The following CNTN5 variants were observed in gnomAD, a reference collection of about 807,000 sequenced individuals.
The protein encoded by CNTN5 is contactin-5.
CNTN5 carries 77 observed loss-of-function variants against 129.1 expected under a neutral mutation model. The ratio of observed to expected loss-of-function variants is 0.60; its 90% CI spans 0.50 to 0.72. The LOEUF (loss-of-function observed/expected upper bound fraction) is 0.72. Ranked by LOEUF, CNTN5 falls within the 30% of genes least tolerant of loss-of-function variation. The pLI, the probability that CNTN5 is intolerant of heterozygous loss-of-function variation, is 0.00. For synonymous variants in CNTN5, 509 were observed against 465.6 expected (o/e 1.09, Z -1.20); for missense variants, 1,478 against 1,328.8 (o/e 1.11, Z -1.75).
chr11:99,295,598 CG>C (rs1210083965), intron 1 of CNTN5, among the ~76,000 whole-genome samples: 8 of 152,124 alleles, frequency 5.3e-5, no homozygotes, highest in African/African-American at 9.7e-5. Context: ...ACTGATTGGC[CG>C]GGCGCGGTGG....
At chr11:99,756,272 C>G (rs571885344) in intron 3 of CNTN5, among the ~76,000 whole-genome samples, 2 of 152,020 alleles carry the variant, frequency 1.3e-5, no homozygotes, top group Admixed American at 1.3e-4. Context: ...AGAAAAGTTA[C>G]GATCAATTAT....
At chr11:100,103,599 G>A (rs768646963) in intron 13 of CNTN5, among the ~76,000 whole-genome samples, 14 of 152,092 alleles carry the variant, frequency 9.2e-5, no homozygotes, top group East Asian at 1.9e-4. Flanking sequence ...CACGCTTGGC[G>A]CTGCATGTGT....
Position 99,830,639 on chromosome 11 carries a change from C to G in CNTN5, c.277+10874C>G, listed in dbSNP as rs140455539. On this transcript the variant is annotated intron_variant, in intron 4 of 24. Coordinates refer to ENST00000524871, the MANE Select transcript of CNTN5 (RefSeq NM_014361.4). Reference sequence around the variant, plus strand: ...TGACACACTTCTAAATAAAATACATCATGTCAGTTTCCCCAATTTAAAAAT... The same window carrying G: ...TGACACACTTCTAAATAAAATACATGATGTCAGTTTCCCCAATTTAAAAAT... 5.4e-3 allele frequency among the ~76,000 whole-genome samples: 828 copies of G among 152,206 alleles called. 6 individuals carry two copies. The highest frequency in any genetic ancestry group is 0.019 in the African/African-American group (784 of 41,534).
chr11:99,418,451 G>C (rs770596846), intron 2 of CNTN5, among the ~76,000 whole-genome samples: 1 of 152,116 alleles, frequency 6.6e-6, no homozygotes. Context: ...TGTTAAAAGC[G>C]CTCAAGTTCA....
intron 1 of CNTN5, among the ~76,000 whole-genome samples, chr11:99,271,233 T>C (rs927905240): frequency 1.3e-5 from 2 of 151,944 alleles, no homozygotes; most frequent in African/African-American, 4.8e-5. Flanking sequence ...AAGTGTGATG[T>C]GTAACATTAA....
intron 1 of CNTN5, among the ~76,000 whole-genome samples, chr11:99,090,152 C>T (rs1281996027): frequency 6.6e-6 from 1 of 152,252 alleles, no homozygotes; most frequent in South Asian, 2.1e-4. Flanking sequence ...ATATTTTGTT[C>T]ATTCATATGT....
At chr11:99,994,541 A>G (rs1402133455) in intron 8 of CNTN5, among the ~76,000 whole-genome samples, 1 of 152,194 alleles carries the variant, frequency 6.6e-6, no homozygotes, top group Non-Finnish European at 1.5e-5. Context: ...ACCCTATGAC[A>G]CTGAGTAAAT....
intron 1 of CNTN5, among the ~76,000 whole-genome samples, chr11:99,207,438 T>A (rs1344910765): frequency 6.6e-6 from 1 of 152,196 alleles, no homozygotes; most frequent in Non-Finnish European, 1.5e-5. Flanking sequence ...TGATTTTCCC[T>A]ACCTGCTGGA....
intron 3 of CNTN5, among the ~76,000 whole-genome samples, chr11:99,564,140 G>A (rs1024598479): frequency 5.3e-5 from 8 of 151,940 alleles, no homozygotes; most frequent in East Asian, 1.9e-4. Flanking sequence ...AGAGTGCAGC[G>A]GCATCATCAT....
chr11:99,825,529 A>G (rs1946926222), intron 4 of CNTN5, among the ~76,000 whole-genome samples: 1 of 151,934 alleles, frequency 6.6e-6, no homozygotes, highest in Non-Finnish European at 1.5e-5. Context: ...ATTTCTTATA[A>G]TTTTTCTCTG....
At chr11:99,665,606 C>G (rs1200505888) in intron 3 of CNTN5, among the ~76,000 whole-genome samples, 1 of 150,816 alleles carries the variant, frequency 6.6e-6, no homozygotes, top group Non-Finnish European at 1.5e-5. Flanking sequence ...CCTGTCTCAG[C>G]CTCCCAAGTG....
intron 13 of CNTN5, among the ~76,000 whole-genome samples, chr11:100,149,662 GCAGGCGGAT>G (rs1946983635): frequency 6.6e-6 from 1 of 152,000 alleles, no homozygotes; most frequent in South Asian, 2.1e-4. Flanking sequence ...GGAGGCCAAG[GCAGGCGGAT>G]CACGAGGTCA....
At chr11:100,105,319 T>G (rs915704421) in intron 13 of CNTN5, among the ~76,000 whole-genome samples, 2 of 152,066 alleles carry the variant, frequency 1.3e-5, no homozygotes, top group South Asian at 4.2e-4. Flanking sequence ...GCAGGTGTTT[T>G]TAAGAGATGC....
rs118124659 is a variant in CNTN5, at chr11:99,803,130, G to A, written c.56-16414G>A. Among the ~76,000 whole-genome samples the A allele has an allele frequency of 2.6e-5, 4 of 152,294 alleles. No individual in the cohort carries two copies. In the East Asian group the frequency reaches 7.7e-4, roughly 29 times the overall value. On this transcript the variant is annotated intron_variant, in intron 3 of 24. Transcript: ENST00000524871. ...ACCATGATCTGTGTCCAGAAAGGAC[G>A]GGGTGGTTCAGGCTGTTGACCCAGG...
chr11:99,953,989 C>A (rs1334239678), intron 7 of CNTN5, among the ~76,000 whole-genome samples: 1 of 151,940 alleles, frequency 6.6e-6, no homozygotes, highest in African/African-American at 2.4e-5. Flanking sequence ...ATGTTTAAGT[C>A]TTTAATCCAT....
chr11:99,326,593 T>C (rs531966737), intron 2 of CNTN5, among the ~76,000 whole-genome samples: 27 of 152,334 alleles, frequency 1.8e-4, no homozygotes, highest in Admixed American at 3.3e-4. Context: ...ACTCAAATTC[T>C]AGCAGCTCGT....
intron 1 of CNTN5, among the ~76,000 whole-genome samples, chr11:99,127,880 TC>T (rs1298265539): frequency 1.3e-5 from 2 of 152,192 alleles, no homozygotes; most frequent in Non-Finnish European, 2.9e-5. Context: ...TTCAATAATT[TC>T]ATTCTTATTT....
chr11:100,005,082 A>G (rs1404153736), intron 9 of CNTN5, among the ~76,000 whole-genome samples: 2 of 152,166 alleles, frequency 1.3e-5, no homozygotes, highest in African/African-American at 4.8e-5. Flanking sequence ...TTAATCCCCA[A>G]GAAGGCAGGA....
intron 1 of CNTN5, among the ~76,000 whole-genome samples, chr11:99,094,624 A>G (rs1310584151): frequency 3.3e-5 from 5 of 151,998 alleles, no homozygotes; most frequent in Admixed American, 6.6e-5. Flanking sequence ...AAAAATTTAC[A>G]CAAGAGGAAG....
Sources: gnomAD v4.1 joint callset for allele counts (sites outside exome capture counted in the v4.1 genomes callset) on GRCh38, gnomAD v4.1.1 for gene constraint, MANE v1.5 for transcripts, NCBI Gene and HGNC (gene_info 2026-07-23, HGNC 2026-07-21) for gene names.